N4BP2: variants seen among roughly 807,000 people sequenced by gnomAD.
N4BP2 encodes NEDD4-binding protein 2.
In N4BP2, 91 loss-of-function variants were observed where a neutral mutation model predicts 152.8. That is an observed-to-expected ratio of 0.60 (90% CI 0.50 to 0.71). The LOEUF is 0.71. N4BP2 is among the 30% of genes least tolerant of loss of function. The pLI, the probability that N4BP2 is intolerant of heterozygous loss-of-function variation, is 0.00. For missense variants in N4BP2, 1,923 were observed against 2,059.1 expected, an observed-to-expected ratio of 0.93 and a Z score of 1.28; for synonymous variants, 646 against 705.3, an observed-to-expected ratio of 0.92 and a Z score of 1.33.
chr4:40,100,022 T>A (rs927299595), intron 3 of N4BP2: 1 of 455,488 alleles, frequency 2.2e-6, no homozygotes, highest in Non-Finnish European at 4.4e-6. Context: ...TCCCTCTTTG[T>A]TTTTCTTCTT....
At chr4:40,179,413 A>G in the N4BP2 span, among the ~76,000 whole-genome samples, 1 of 152,142 alleles carries the variant, frequency 6.6e-6, no homozygotes, top group African/African-American at 2.4e-5. Context: ...TTGGAAAACT[A>G]CCATTGAGTC....
At chr4:40,068,358 T>C (rs1711760277) in intron 1 of N4BP2, among the ~76,000 whole-genome samples, 1 of 152,226 alleles carries the variant, frequency 6.6e-6, no homozygotes, top group South Asian at 2.1e-4. Flanking sequence ...TTGTTGCCTA[T>C]GCCTTTGGTG....
At chr4:40,092,010 A>T (rs1197978900) in intron 2 of N4BP2, among the ~76,000 whole-genome samples, 361 of 31,354 alleles carry the variant, frequency 0.012, 5 homozygotes, top group Non-Finnish European at 0.014. Context: ...AAAAAAAATT[A>T]TATATATATA....
rs1717863875 is a variant in N4BP2 at position 40,121,109 on chromosome 4, G to A, written c.2998G>A (p.Glu1000Lys). The change falls in exon 9 of 18, where the codon GAG (glutamate) becomes AAG (lysine). Residue 1000 changes from glutamate to lysine, a missense_variant. Coordinates refer to ENST00000261435, the MANE Select transcript of N4BP2 (RefSeq NM_018177.6). ...ACCACAAACGTTAGCTGAATGTCAA[G>A]AGCAAATGCCTAAGAGAGACCCTGG... The part of the protein sequence containing the change: ...VEPQTLAECQ[E>K]QMPKRDPGKE... 5 of 1,614,072 alleles carry A rather than the reference G, an allele frequency of 3.1e-6. No individual in the cohort carries two copies. The highest frequency in any genetic ancestry group is 4.2e-6 in the Non-Finnish European group (5 of 1,180,018).
chr4:40,171,553 G>A, the N4BP2 span, among the ~76,000 whole-genome samples: 10 of 152,148 alleles, frequency 6.6e-5, no homozygotes, highest in Non-Finnish European at 1.5e-4. Context: ...CTAACCCCCA[G>A]TACTCCTGAA....
intron 13 of N4BP2, among the ~76,000 whole-genome samples, chr4:40,136,469 C>T (rs1411939840): frequency 6.6e-6 from 1 of 152,170 alleles, no homozygotes; most frequent in Non-Finnish European, 1.5e-5. Flanking sequence ...ACTGCAACCT[C>T]TGCCTTCCGG....
the N4BP2 span, among the ~76,000 whole-genome samples, chr4:40,175,217 C>T: frequency 6.6e-6 from 1 of 151,098 alleles, no homozygotes; most frequent in Non-Finnish European, 1.5e-5. Flanking sequence ...AAGACAGGGT[C>T]TCGGTGTGTT....
chr4:40,116,758 G>C (rs1213986577), intron 7 of N4BP2, among the ~76,000 whole-genome samples: 1 of 151,992 alleles, frequency 6.6e-6, no homozygotes, highest in Non-Finnish European at 1.5e-5. Flanking sequence ...TTTATAGTAA[G>C]GGTCTGCTTG....
chr4:40,163,023 T>G (rs1472021077), downstream of N4BP2, among the ~76,000 whole-genome samples: 1 of 152,170 alleles, frequency 6.6e-6, no homozygotes, highest in Non-Finnish European at 1.5e-5. Context: ...GTAATCCAAG[T>G]GAGCAAAACA....
rs377383640 is a variant in N4BP2 at position 40,122,301 on chromosome 4, T to C, written c.4190T>C (p.Ile1397Thr). 9 of 1,562,198 alleles carry C rather than the reference T, an allele frequency of 5.8e-6. No individual in the cohort carries two copies. The Middle Eastern group carries it at 5.2e-4, about 89-fold the overall frequency. ...QLNELFGPVG[I>T]DSGSLTVEDC... ...AATGAATTATTTGGTCCTGTTGGTA[T>C]TGATTCAGGTAAGGAAAAAGTAAAT... Residue 1397 changes from isoleucine (I) to threonine (T), a missense_variant, in exon 9 of 18, where the codon ATT becomes ACT. Ile to Thr is a moderately conservative substitution (Grantham distance 89). Coordinates refer to ENST00000261435, the MANE Select transcript of N4BP2 (RefSeq NM_018177.6).
At chr4:40,135,235 G>C (rs931802059) in intron 13 of N4BP2, among the ~76,000 whole-genome samples, 2 of 151,246 alleles carry the variant, frequency 1.3e-5, no homozygotes, top group Non-Finnish European at 2.9e-5. Context: ...TACTGAGAAT[G>C]ATGATTTCCA....
At chr4:40,148,549 G>A (rs1226563227) in intron 16 of N4BP2, among the ~76,000 whole-genome samples, 1 of 152,152 alleles carries the variant, frequency 6.6e-6, no homozygotes, top group East Asian at 1.9e-4. Context: ...TACAGGATTT[G>A]TCTTTCTGTG....
chr4:40,079,490 T>C, intron 2 of N4BP2, among the ~76,000 whole-genome samples: 1 of 151,468 alleles, frequency 6.6e-6, no homozygotes, highest in Middle Eastern at 3.2e-3. Flanking sequence ...TTTTTCAGTG[T>C]AGGAAAACCA....
At chr4:40,171,753 G>A in the N4BP2 span, among the ~76,000 whole-genome samples, 10 of 152,248 alleles carry the variant, frequency 6.6e-5, no homozygotes, top group African/African-American at 2.2e-4. Flanking sequence ...GAAGCCAGTC[G>A]AGTTCCAAAA....
At chr4:40,108,871 C>T (rs1363769761) in intron 5 of N4BP2, among the ~76,000 whole-genome samples, 6 of 149,776 alleles carry the variant, frequency 4.0e-5, no homozygotes, top group Non-Finnish European at 7.4e-5. Context: ...GGCTGGAGTG[C>T]GGTGGCGTGA....
chr4:40,167,934 T>A, the N4BP2 span: 1 of 152,268 alleles, frequency 6.6e-6, no homozygotes, highest in East Asian at 1.9e-4. Context: ...AAAAACATTC[T>A]AAAAGTTTTA....
chr4:40,168,566 C>T, the N4BP2 span, among the ~76,000 whole-genome samples: 1 of 130,832 alleles, frequency 7.6e-6, no homozygotes, highest in South Asian at 2.9e-4. Flanking sequence ...ATAAGGATAA[C>T]ATCATAAAAA....
intron 1 of N4BP2, among the ~76,000 whole-genome samples, chr4:40,069,105 G>A (rs1001072058): frequency 1.2e-4 from 18 of 150,310 alleles, no homozygotes; most frequent in Admixed American, 1.1e-3. Flanking sequence ...GTGACAGAGC[G>A]AGACTCCATC....
intron 12 of N4BP2, among the ~76,000 whole-genome samples, chr4:40,130,058 T>G (rs934841713): frequency 1.3e-5 from 2 of 152,144 alleles, no homozygotes; most frequent in African/African-American, 4.8e-5. Flanking sequence ...TAATTTATTT[T>G]TTTTTGAGGC....
Sources: allele counts gnomAD v4.1 joint callset (sites outside exome capture counted in the v4.1 genomes callset), GRCh38; gene constraint gnomAD v4.1.1; transcripts MANE v1.5; gene names NCBI Gene and HGNC (gene_info 2026-07-23, HGNC 2026-07-21).